Variants in CCNK observed in about 807,000 individuals in gnomAD.
The protein encoded by CCNK is cyclin-K.
CCNK carries 9 observed loss-of-function variants against 65.0 expected under a neutral mutation model. The observed-to-expected ratio is 0.14, with a 90% confidence interval of 0.08 to 0.24. The LOEUF is 0.24. Ranked by LOEUF, CCNK falls within the 10% of genes least tolerant of loss-of-function variation. CCNK has a pLI of 1.00. For missense variants in CCNK, 474 were observed against 720.0 expected (o/e 0.66, Z 3.91); for synonymous variants, 279 against 270.8 (o/e 1.03, Z -0.30).
chr14:99,510,518 C>A lies in CCNK; in HGVS notation c.1479C>A (p.Ser493=). 1.3e-6 allele frequency: 1 copy of A among 749,680 alleles called. No homozygotes were observed. The highest frequency in any genetic ancestry group is 2.0e-6 in the Non-Finnish European group (1 of 497,160). 46.4% of individuals were successfully genotyped at this position (749,680 alleles called of 1,614,324 possible). The change falls in exon 11 of 11, where the codon TCC becomes TCA. Residue 493 remains serine, a synonymous_variant. Coordinates refer to ENST00000389879, the MANE Select transcript of CCNK (RefSeq NM_001099402.2). ...CACCTGTGCCTCCTCCCCCAGCCTC[C>A]TTCCCCCCACCTGCCATCCCACCCC... ...PPPPVPPPPA[S]FPPPAIPPPT...
rs535214522 is a variant in CCNK at position 99,510,283 on chromosome 14, C to T, written c.1244C>T (p.Pro415Leu). 79 of 1,566,662 alleles carry T rather than the reference C, an allele frequency of 5.0e-5. No homozygotes were observed. Among genetic ancestry groups the T allele is most frequent in the Non-Finnish European group, 6.1e-5 (71 of 1,156,786 alleles). ...AHPAPVHQPPPLPHRPPPPPP... is the reference protein window; with the variant it reads ...AHPAPVHQPPLLPHRPPPPPP... Reference sequence around the variant, plus strand: ...CCGGCCCCTGTGCACCAGCCACCGCCGCTGCCACACCGGCCCCCGCCCCCA... The same window carrying T: ...CCGGCCCCTGTGCACCAGCCACCGCTGCTGCCACACCGGCCCCCGCCCCCA... The change falls in exon 11 of 11, where the codon CCG becomes CTG. Residue 415 changes from proline to leucine, a missense_variant. By Grantham distance (98) the Pro-to-Leu change is moderately conservative. Coordinates refer to ENST00000389879, the MANE Select transcript of CCNK (RefSeq NM_001099402.2).
At chr14:99,507,704 C>T (rs1353036175) in intron 10 of CCNK, 1 of 154,104 alleles carries the variant, frequency 6.5e-6, no homozygotes, top group Non-Finnish European at 1.4e-5. Flanking sequence ...CCAAACCCCG[C>T]CTTCTGAGAT....
intron 9 of CCNK, chr14:99,506,681 C>G: frequency 5.3e-6 from 1 of 189,080 alleles, no homozygotes; most frequent in Non-Finnish European, 1.1e-5. Flanking sequence ...TCAGGGGACT[C>G]AGTGACATGA....
At chr14:99,488,278 A>T (rs78212409) in intron 1 of CCNK, among the ~76,000 whole-genome samples, 9,582 of 127,706 alleles carry the variant, frequency 0.075, 534 homozygotes, top group African/African-American at 0.2. Context: ...TCTTTTTTTT[A>T]AAAAAAAAAA....
At chr14:99,493,663 A>G in intron 3 of CCNK, 68 bp downstream of exon 3, 2 of 1,027,894 alleles carry the variant, frequency 1.9e-6, no homozygotes, top group Non-Finnish European at 3.0e-6. Flanking sequence ...TGGTGGACTA[A>G]TTATAAGCTC....
At chr14:99,501,492 T>A in intron 6 of CCNK, 79 bp downstream of exon 6, 1 of 966,108 alleles carries the variant, frequency 1.0e-6, no homozygotes, top group Non-Finnish European at 1.6e-6. Context: ...TCTAAACCCC[T>A]CATTTTGTGT....
intron 1 of CCNK, among the ~76,000 whole-genome samples, chr14:99,488,556 G>A (rs1002199145): frequency 3.3e-5 from 5 of 152,238 alleles, no homozygotes; most frequent in Middle Eastern, 6.8e-3. Flanking sequence ...GCTTTTGGGG[G>A]ACAAGAATAC....
chr14:99,498,442 G>T (rs1452424631), intron 4 of CCNK, among the ~76,000 whole-genome samples: 25 of 152,206 alleles, frequency 1.6e-4, no homozygotes, highest in Admixed American at 1.6e-3. Context: ...CATTGGGGAA[G>T]ATGTTTTCCT....
In CCNK at chr14:99,488,927, T is replaced by C. The variant is rs551471561; in HGVS notation, c.-52-3699T>C. Among the ~76,000 whole-genome samples, 14 of 151,808 alleles carry C rather than the reference T, an allele frequency of 9.2e-5. No individual in the cohort carries two copies. The South Asian group carries it at 1.0e-3, about 11-fold the overall frequency. ...GGCTCCTATGTCTTTTTTTTTTTTT[T>C]CCCTAGCAAATCATTCCTTCAGCAG... On this transcript the variant is annotated intron_variant, in intron 1 of 10. Transcript: ENST00000389879.
At chr14:99,507,182 C>T (rs756679096) in intron 10 of CCNK, 35 bp downstream of exon 10, 2 of 1,270,254 alleles carry the variant, frequency 1.6e-6, no homozygotes, top group Non-Finnish European at 2.3e-6. Context: ...GCCAGCTGTG[C>T]ACATCGCCTC....
rs1429617657 is a variant in CCNK, at chr14:99,512,121, A to C, written c.*1339A>C. 1 of 152,214 alleles carries C rather than the reference A, an allele frequency of 6.6e-6. No individual in the cohort carries two copies. The highest frequency in any genetic ancestry group is 1.9e-4 in the East Asian group (1 of 5,190). 9.4% of individuals were successfully genotyped at this position (152,214 alleles called of 1,614,324 possible). On this transcript the variant is annotated 3_prime_UTR_variant, in exon 11 of 11. Coordinates refer to ENST00000389879, the MANE Select transcript of CCNK (RefSeq NM_001099402.2). ...GTTACTCCTTTTACTAAAATAGTTC[A>C]AATCAATGTTTTTACCACACTATCA...
intron 4 of CCNK, 173 bp from the exon 5 acceptor site, chr14:99,500,593 T>G (rs1008109368): frequency 2.6e-5 from 15 of 581,098 alleles, no homozygotes; most frequent in Non-Finnish European, 3.4e-5. Context: ...CTTTTCAGAA[T>G]TTATCAGTGT....
chr14:99,492,925 C>A, intron 2 of CCNK, 51 bp downstream of exon 2: 1 of 1,407,302 alleles, frequency 7.1e-7, no homozygotes, highest in Non-Finnish European at 9.6e-7. Flanking sequence ...CCACTCACCA[C>A]CAAGAAATAA....
intron 10 of CCNK, chr14:99,509,313 C>T (rs796236160): frequency 7.2e-5 from 11 of 152,392 alleles, no homozygotes; most frequent in African/African-American, 2.4e-4. Context: ...GTTGCGATGT[C>T]ATTTTCCAGT....
At position 99,498,066 on chromosome 14, in the gene CCNK, C is replaced by T. The variant is rs988776485; in HGVS notation, c.411+2437C>T. 2.0e-5 allele frequency among the ~76,000 whole-genome samples: 3 copies of T among 152,192 alleles called. No individual in the cohort carries two copies. The East Asian group carries it at 5.8e-4, about 29-fold the overall frequency. On this transcript the variant is annotated intron_variant, in intron 4 of 10. Transcript: ENST00000389879. The stretch of plus-strand genomic sequence containing the variant: ...ACCCCCGTCACAGGGGCAGGTGAAC[C>T]TTGTGGCTGGCAAGCTGTGCTTAAG...
At chr14:99,496,058 T>C (rs1454918448) in intron 4 of CCNK, among the ~76,000 whole-genome samples, 1 of 152,176 alleles carries the variant, frequency 6.6e-6, no homozygotes, top group African/African-American at 2.4e-5. Context: ...TTGGAAGGTA[T>C]CAACATTTGC....
At chr14:99,503,365 T>C in intron 8 of CCNK, 2 of 603,676 alleles carry the variant, frequency 3.3e-6, no homozygotes, top group Non-Finnish European at 2.9e-6. Context: ...TAGTGTTTAC[T>C]CAGAACTCAC....
intron 9 of CCNK, 25 bp from the exon 10 acceptor site, chr14:99,507,051 T>A (rs1449374000): frequency 1.4e-6 from 2 of 1,461,768 alleles, no homozygotes; most frequent in Admixed American, 3.3e-5. Context: ...TATGAGTGGT[T>A]TTCTAATCTG....
At chr14:99,496,436 CGTG>C (rs1347107633) in intron 4 of CCNK, among the ~76,000 whole-genome samples, 3 of 152,120 alleles carry the variant, frequency 2.0e-5, no homozygotes, top group Non-Finnish European at 4.4e-5. Context: ...ACTGGCCAGG[CGTG>C]GTGGCTCACG....
Sources: allele counts gnomAD v4.1 joint callset (sites outside exome capture counted in the v4.1 genomes callset), GRCh38; gene constraint gnomAD v4.1.1; transcripts MANE v1.5; gene names NCBI Gene and HGNC (gene_info 2026-07-23, HGNC 2026-07-21).